FOXP2: variants seen among roughly 807,000 people sequenced by gnomAD.
FOXP2 encodes the protein forkhead box P2.
FOXP2 carries 12 observed loss-of-function variants against 115.8 expected under a neutral mutation model. The observed-to-expected ratio is 0.10, with a 90% CI of 0.07 to 0.17. The LOEUF (loss-of-function observed/expected upper bound fraction) is 0.17. Among genes scored for constraint, FOXP2 ranks in the 10% least tolerant of loss-of-function variants. The probability of loss-of-function intolerance (pLI) is 1.00; values close to 1 mark genes in which losing one functional copy is unlikely to be tolerated. For synonymous variants in FOXP2, 328 were observed against 297.7 expected, an observed-to-expected ratio of 1.10 and a Z score of -1.05; for missense variants, 629 against 843.5, an observed-to-expected ratio of 0.75 and a Z score of 3.15.
At chr7:114,401,653 C>T (rs1221819300) in intron 2 of FOXP2, among the ~76,000 whole-genome samples, 1 of 152,174 alleles carries the variant, frequency 6.6e-6, no homozygotes, top group Non-Finnish European at 1.5e-5. Context: ...TGTTAGATTC[C>T]ATTGCCATTC....
At chr7:114,603,767 T>C (rs1049708804) in intron 3 of FOXP2, among the ~76,000 whole-genome samples, 1 of 152,192 alleles carries the variant, frequency 6.6e-6, no homozygotes, top group Non-Finnish European at 1.5e-5. Flanking sequence ...AATTTTACCA[T>C]GGAAAAGTAA....
chr7:114,390,191 T>TA (rs1339876099), intron 2 of FOXP2, among the ~76,000 whole-genome samples: 8 of 152,282 alleles, frequency 5.3e-5, no homozygotes, highest in Admixed American at 4.6e-4. Context: ...CAGTACAGTA[T>TA]ATAACTACTG....
chr7:114,454,997 T>C (rs1333753129), intron 2 of FOXP2, among the ~76,000 whole-genome samples: 1 of 150,388 alleles, frequency 6.6e-6, no homozygotes, highest in African/African-American at 2.5e-5. Flanking sequence ...TGTGCACATG[T>C]ACCCTAAAAC....
intron 7 of FOXP2, among the ~76,000 whole-genome samples, 189 bp downstream of exon 7, chr7:114,642,812 A>ATATATATATATATTTTTTTTTT (rs1308357594): frequency 1.4e-5 from 1 of 72,438 alleles, no homozygotes; most frequent in Non-Finnish European, 2.3e-5. Context: ...ATATATATAT[A>ATATATATATATATTTTTTTTTT]TTTTTTTTTT....
chr7:114,624,383 A>G, intron 3 of FOXP2, among the ~76,000 whole-genome samples: 1 of 151,906 alleles, frequency 6.6e-6, no homozygotes, highest in East Asian at 1.9e-4. Context: ...TAGTTGGCAG[A>G]CCGTGTTAAC....
At chr7:114,600,420 A>G (rs1042510134) in intron 3 of FOXP2, among the ~76,000 whole-genome samples, 1 of 152,194 alleles carries the variant, frequency 6.6e-6, no homozygotes, top group Non-Finnish European at 1.5e-5. Flanking sequence ...CCATTCACCT[A>G]TTGAAAGACA....
intron 2 of FOXP2, among the ~76,000 whole-genome samples, chr7:114,293,688 G>C (rs1796665980): frequency 6.6e-6 from 1 of 152,080 alleles, no homozygotes; most frequent in Non-Finnish European, 1.5e-5. Flanking sequence ...TGGCTGTATG[G>C]GGGGCTTCCC....
intron 10 of FOXP2, 93 bp downstream of exon 10, chr7:114,654,102 G>T: frequency 6.2e-7 from 1 of 1,600,326 alleles, no homozygotes; most frequent in Non-Finnish European, 8.5e-7. Flanking sequence ...AAAACAATGA[G>T]TGTGATGAAA....
chr7:114,628,419 TA>T lies in FOXP2; in HGVS notation c.259-116del, dbSNP rs1804711227. On this transcript the variant is annotated intron_variant, in intron 3 of 16. Coordinates refer to ENST00000350908, the MANE Select transcript of FOXP2 (RefSeq NM_014491.4). ...AAAGAAGTTATAGTAAAATGTGACG[TA>T]AAAATTATTGATCATCAATGCTAAA... 3 of 1,352,006 alleles carry T rather than the reference TA, an allele frequency of 2.2e-6. No individual in the cohort carries two copies. In the East Asian group the frequency reaches 7.0e-5, roughly 32 times the overall value. The allele number at this position is 1,352,006 out of a possible 1,614,324, so 83.8% of individuals were successfully genotyped here.
intron 3 of FOXP2, among the ~76,000 whole-genome samples, chr7:114,550,284 A>T (rs1161860099): frequency 6.6e-6 from 1 of 151,482 alleles, no homozygotes; most frequent in East Asian, 1.9e-4. Context: ...CGCCCGGCTA[A>T]TTTTTGTATT....
chr7:114,657,779 G>A (rs998478829), intron 10 of FOXP2, among the ~76,000 whole-genome samples: 19 of 152,188 alleles, frequency 1.2e-4, no homozygotes, highest in African/African-American at 4.6e-4. Flanking sequence ...ATCAGCAACT[G>A]GCTTTTATTT....
chr7:114,365,567 T>C (rs563056549), intron 2 of FOXP2, among the ~76,000 whole-genome samples: 2 of 152,256 alleles, frequency 1.3e-5, no homozygotes, highest in East Asian at 1.9e-4. Flanking sequence ...GTATGATTTT[T>C]TTACACTGAA....
intron 2 of FOXP2, among the ~76,000 whole-genome samples, chr7:114,428,680 G>A (rs1351852941): frequency 6.6e-6 from 1 of 151,308 alleles, no homozygotes; most frequent in Non-Finnish European, 1.5e-5. Context: ...AGGTACCTAA[G>A]GTTACTGAAT....
chr7:114,449,576 A>G (rs376497239), intron 2 of FOXP2, among the ~76,000 whole-genome samples: 4 of 152,084 alleles, frequency 2.6e-5, no homozygotes, highest in African/African-American at 9.7e-5. Context: ...AACCTGAGCC[A>G]CTGTTCAGCC....
intron 3 of FOXP2, among the ~76,000 whole-genome samples, chr7:114,628,102 A>G (rs1804695088): frequency 6.6e-6 from 1 of 152,068 alleles, no homozygotes; most frequent in African/African-American, 2.4e-5. Context: ...ACTAGTTTAG[A>G]TAACATTTAT....
chr7:114,449,233 T>G (rs1054887859), intron 2 of FOXP2, among the ~76,000 whole-genome samples: 6 of 152,084 alleles, frequency 3.9e-5, no homozygotes, highest in Non-Finnish European at 8.8e-5. Context: ...TTTCTTTAAG[T>G]AGATAGAGGA....
At chr7:114,343,850 C>T (rs1363445848) in intron 2 of FOXP2, among the ~76,000 whole-genome samples, 3 of 151,636 alleles carry the variant, frequency 2.0e-5, no homozygotes, top group African/African-American at 7.3e-5. Flanking sequence ...GTTCAACTTG[C>T]TATTTTCTAA....
intron 3 of FOXP2, among the ~76,000 whole-genome samples, chr7:114,624,457 AT>A (rs1804419155): frequency 6.6e-6 from 1 of 151,866 alleles, no homozygotes; most frequent in Admixed American, 6.6e-5. Context: ...TCCAATTCAC[AT>A]TTAGTGAAGA....
rs2129327050 is a variant in FOXP2 at position 114,628,801 on chromosome 7, A to G, written c.396+124A>G. 6 of 1,165,298 alleles carry G rather than the reference A, an allele frequency of 5.1e-6. No homozygotes were observed. The South Asian group carries it at 6.3e-5, about 12-fold the overall frequency. The allele number at this position is 1,165,298 out of a possible 1,614,324, so 72.2% of individuals were successfully genotyped here. A position where few individuals can be genotyped will look rare whatever the true frequency, so the allele number is the denominator to read the frequency against. Reference sequence around the variant, plus strand: ...TGAAAGGACAACCTATTAGCGTGCTAGAACATAAATGTAACATTTTAATTA... The same window carrying G: ...TGAAAGGACAACCTATTAGCGTGCTGGAACATAAATGTAACATTTTAATTA... On this transcript the variant is annotated intron_variant, in intron 4 of 16. Transcript: ENST00000350908.
Sources: allele counts gnomAD v4.1 joint callset (sites outside exome capture counted in the v4.1 genomes callset), GRCh38; gene constraint gnomAD v4.1.1; transcripts MANE v1.5; gene names NCBI Gene and HGNC (gene_info 2026-07-23, HGNC 2026-07-21).